The following HRH2 variants were observed in gnomAD, a reference collection of about 807,000 sequenced individuals.
The protein encoded by HRH2 is histamine receptor H2, also known as histamine H2 receptor.
Under a neutral mutation model 20.1 loss-of-function variants are expected in HRH2, and 4 were observed. That is an observed-to-expected ratio of 0.20 (90% CI 0.10 to 0.45). The LOEUF is 0.45. Among genes scored for constraint, HRH2 ranks in the 20% least tolerant of loss-of-function variants. The pLI is 0.99. For synonymous variants in HRH2, 197 were observed against 200.7 expected (o/e 0.98, Z 0.16); for missense variants, 250 against 461.6 (o/e 0.54, Z 4.20).
rs1762619343 is a variant in HRH2 at position 175,658,103 on chromosome 5, G to C, written c.-578G>C. On this transcript the variant is annotated 5_prime_UTR_variant, in exon 1 of 3. Coordinates refer to ENST00000636584, the MANE Select transcript of HRH2 (RefSeq NM_001367711.1). The stretch of plus-strand genomic sequence containing the variant: ...TGCCCGGAGCGCAGCCGGCGCGGGC[G>C]CGGGACCGAGGCGAACCGGGTGCGG... The C allele has an allele frequency of 6.6e-6, 1 of 151,826 alleles. No homozygotes were observed. The highest frequency in any genetic ancestry group is 2.1e-4 in the South Asian group (1 of 4,836). 9.4% of individuals were successfully genotyped at this position (151,826 alleles called of 1,614,324 possible).
At position 175,683,678 on chromosome 5, in the gene HRH2, C is replaced by T; in HGVS notation, c.445C>T (p.Leu149=). ...CTTAATTTGGGTCATCTCCATTACC[C>T]TGTCCTTTCTGTCTATCCACCTGGG... ...LVLIWVISIT[L]SFLSIHLGWN... Residue 149 remains leucine (L), a synonymous_variant, in exon 2 of 3, where the codon CTG becomes TTG. Coordinates refer to ENST00000636584, the MANE Select transcript of HRH2 (RefSeq NM_001367711.1). The T allele has an allele frequency of 6.2e-7, 1 of 1,614,204 alleles. No individual in the cohort carries two copies. Among genetic ancestry groups the T allele is most frequent in the African/African-American group, 1.3e-5 (1 of 75,052 alleles).
intron 1 of HRH2, among the ~76,000 whole-genome samples, chr5:175,667,034 A>ATATATATATATATATATATATATATAT (rs1561719912): frequency 6.6e-6 from 1 of 152,086 alleles, no homozygotes; most frequent in African/African-American, 2.4e-5. Context: ...ATATATATGT[A>ATATATATATATATATATATATATATAT]ATGTATAGTC....
At chr5:175,664,363 TG>T (rs1762825082) in intron 1 of HRH2, among the ~76,000 whole-genome samples, 1 of 152,110 alleles carries the variant, frequency 6.6e-6, no homozygotes, top group African/African-American at 2.4e-5. Flanking sequence ...GATACAGCAA[TG>T]GATACACCTG....
intron 1 of HRH2, among the ~76,000 whole-genome samples, chr5:175,679,876 T>C (rs1755902356): frequency 6.6e-6 from 1 of 152,060 alleles, no homozygotes; most frequent in Non-Finnish European, 1.5e-5. Flanking sequence ...AAAGAACGGG[T>C]ATTAAGTACA....
intron 1 of HRH2, among the ~76,000 whole-genome samples, chr5:175,663,577 G>A (rs573897260): frequency 1.3e-5 from 2 of 152,148 alleles, no homozygotes; most frequent in African/African-American, 2.4e-5. Context: ...GGCCCTGCCC[G>A]TGCACTGTCT....
At chr5:175,702,725 CTTTTTTTTT>C (rs1166650598) in intron 2 of HRH2, among the ~76,000 whole-genome samples, 1 of 123,674 alleles carries the variant, frequency 8.1e-6, no homozygotes, top group South Asian at 2.6e-4. Context: ...CTAATTTTTT[CTTTTTTTTT>C]TTTTTTTGTA....
intron 2 of HRH2, among the ~76,000 whole-genome samples, chr5:175,696,204 A>G (rs1179701535): frequency 6.6e-6 from 1 of 152,240 alleles, no homozygotes; most frequent in Non-Finnish European, 1.5e-5. Context: ...AAAACATTTC[A>G]CAGTTTTAAG....
chr5:175,679,300 C>T (rs1022687916), intron 1 of HRH2, among the ~76,000 whole-genome samples: 2 of 152,012 alleles, frequency 1.3e-5, no homozygotes, highest in African/African-American at 4.8e-5. Flanking sequence ...ATTAAAAAAA[C>T]ACCCCCTTTC....
chr5:175,676,097 C>T (rs370256840), intron 1 of HRH2, among the ~76,000 whole-genome samples: 19 of 152,238 alleles, frequency 1.2e-4, no homozygotes, highest in African/African-American at 2.9e-4. Flanking sequence ...GTCTTTTGGA[C>T]GGCTTCACCA....
At chr5:175,689,594 C>T (rs186286117) in intron 2 of HRH2, among the ~76,000 whole-genome samples, 1 of 152,348 alleles carries the variant, frequency 6.6e-6, no homozygotes, top group African/African-American at 2.4e-5. Flanking sequence ...TTCCAGAAAC[C>T]TCGTAAGAAC....
In HRH2 at chr5:175,686,212, A is replaced by T. The variant is rs981981803; in HGVS notation, c.1076+1903A>T. ...AAAGCTGACTTAGTTCACAAAGTAT[A>T]AAAAAATACAGGGATGTGGTTCAGC... On this transcript the variant is annotated intron_variant, in intron 2 of 2. Transcript: ENST00000636584. This position sits in a 1 kb window ranked among gnomAD's most constrained non-coding sequence, Gnocchi z 4.7. 5.9e-5 allele frequency: 9 copies of T among 152,238 alleles called. No individual in the cohort carries two copies. The highest frequency in any genetic ancestry group is 2.2e-4 in the African/African-American group (9 of 41,450). The allele number at this position is 152,238 out of a possible 1,614,324, so 9.4% of individuals were successfully genotyped here. A position where few individuals can be genotyped will look rare whatever the true frequency, so the allele number is the denominator to read the frequency against.
At chr5:175,706,828 G>A (rs1256794942) in intron 2 of HRH2, among the ~76,000 whole-genome samples, 1 of 152,224 alleles carries the variant, frequency 6.6e-6, no homozygotes, top group Non-Finnish European at 1.5e-5. Context: ...CAAACCCACA[G>A]CTATCATCAG....
chr5:175,662,647 A>C (rs1215381755), intron 1 of HRH2, among the ~76,000 whole-genome samples: 1 of 152,150 alleles, frequency 6.6e-6, no homozygotes, highest in African/African-American at 2.4e-5. Flanking sequence ...TTCTTTTTTA[A>C]CGTAAGAGCA....
intron 1 of HRH2, among the ~76,000 whole-genome samples, chr5:175,678,989 G>C (rs1449050497): frequency 6.6e-6 from 1 of 152,190 alleles, no homozygotes; most frequent in Admixed American, 6.5e-5. Flanking sequence ...TTTTCTAACT[G>C]CATGCATACC....
At chr5:175,694,112 A>G (rs1756480169) in intron 2 of HRH2, among the ~76,000 whole-genome samples, 1 of 152,190 alleles carries the variant, frequency 6.6e-6, no homozygotes, top group South Asian at 2.1e-4. Flanking sequence ...CAATTGAGTG[A>G]GTGCCCTTGC....
rs561435003 is a variant in HRH2, at chr5:175,693,361, C to T, written c.1076+9052C>T. Among the ~76,000 whole-genome samples, 2 of 152,300 alleles carry T rather than the reference C, an allele frequency of 1.3e-5. No homozygotes were observed. Among genetic ancestry groups the T allele is most frequent in the East Asian group, 3.9e-4 (2 of 5,180 alleles). ...CTGGAGACAGGAAGTCGAGGTGGTC[C>T]CGACTGCCAAAAACTGGCACGTGGT... On this transcript the variant is annotated intron_variant, in intron 2 of 2. Transcript: ENST00000636584. This position sits in a 1 kb window ranked among gnomAD's most constrained non-coding sequence, Gnocchi z 4.4.
At chr5:175,661,132 C>G (rs1762726486) in intron 1 of HRH2, among the ~76,000 whole-genome samples, 1 of 148,868 alleles carries the variant, frequency 6.7e-6, no homozygotes. Context: ...ATTTCTCTTG[C>G]CTGCAATGCC....
intron 1 of HRH2, among the ~76,000 whole-genome samples, chr5:175,658,616 A>G (rs1040956904): frequency 6.6e-6 from 1 of 151,966 alleles, no homozygotes; most frequent in Non-Finnish European, 1.5e-5. Context: ...TGCTAAAGGG[A>G]AGCCAGCGGA....
At chr5:175,689,824 T>C (rs1225599895) in intron 2 of HRH2, among the ~76,000 whole-genome samples, 1 of 152,204 alleles carries the variant, frequency 6.6e-6, no homozygotes, top group East Asian at 1.9e-4. Flanking sequence ...TGAGTCAGGA[T>C]GGGAATCCGG....
Sources: allele counts gnomAD v4.1 joint callset (sites outside exome capture counted in the v4.1 genomes callset), GRCh38; gene constraint gnomAD v4.1.1; non-coding constraint Gnocchi (gnomAD v3.1); transcripts MANE v1.5; gene names NCBI Gene and HGNC (gene_info 2026-07-23, HGNC 2026-07-21).